Variants in SKAP1 observed in about 807,000 individuals in gnomAD.
The protein encoded by SKAP1 is src kinase-associated phosphoprotein 1.
In SKAP1, 44 loss-of-function variants were observed where a neutral mutation model predicts 58.5. The ratio of observed to expected loss-of-function variants is 0.75; its 90% CI spans 0.59 to 0.97. The LOEUF is 0.97. SKAP1 is among the 50% of genes least tolerant of loss of function. The pLI, the probability that SKAP1 is intolerant of heterozygous loss-of-function variation, is 0.00. For missense variants in SKAP1, 390 were observed against 435.2 expected (o/e 0.90, Z 0.92); for synonymous variants, 127 against 149.7 (o/e 0.85, Z 1.11).
chr17:48,396,887 C>T, intron 1 of SKAP1, 102 bp from the exon 2 acceptor site: 1 of 777,554 alleles, frequency 1.3e-6, no homozygotes. Context: ...TGTAACTAAC[C>T]TGCACAATGT....
At chr17:48,152,044 G>GT (rs1567794751) in intron 11 of SKAP1, among the ~76,000 whole-genome samples, 1 of 152,116 alleles carries the variant, frequency 6.6e-6, no homozygotes, top group Non-Finnish European at 1.5e-5. Flanking sequence ...GGATTTAACT[G>GT]TATCTTTAAC....
intron 4 of SKAP1, among the ~76,000 whole-genome samples, chr17:48,321,729 G>A (rs2066370515): frequency 6.6e-6 from 1 of 151,990 alleles, no homozygotes; most frequent in African/African-American, 2.4e-5. Flanking sequence ...TCTCTCCATT[G>A]AAAGGTCCAC....
At chr17:48,304,835 CAAAAAGAA>C (rs1199983629) in intron 4 of SKAP1, among the ~76,000 whole-genome samples, 1 of 152,102 alleles carries the variant, frequency 6.6e-6, no homozygotes, top group Non-Finnish European at 1.5e-5. Context: ...ATTTCTTTAA[CAAAAAGAA>C]TTCCCTTTAC....
intron 4 of SKAP1, among the ~76,000 whole-genome samples, chr17:48,277,652 A>C (rs2144018882): frequency 6.6e-6 from 1 of 152,354 alleles, no homozygotes; most frequent in East Asian, 1.9e-4. Flanking sequence ...TCACTCAATG[A>C]AAATAAAAAG....
chr17:48,229,004 T>G (rs1368220490), intron 4 of SKAP1, among the ~76,000 whole-genome samples: 1 of 152,058 alleles, frequency 6.6e-6, no homozygotes, highest in Non-Finnish European at 1.5e-5. Flanking sequence ...AGAGGAGACC[T>G]CTCTGCCTCT....
At chr17:48,279,184 T>A (rs1321297979) in intron 4 of SKAP1, among the ~76,000 whole-genome samples, 1 of 151,882 alleles carries the variant, frequency 6.6e-6, no homozygotes, top group Non-Finnish European at 1.5e-5. Flanking sequence ...CCAAAATAGA[T>A]GGCAGCTAAG....
At chr17:48,318,999 A>T (rs1366675126) in intron 4 of SKAP1, among the ~76,000 whole-genome samples, 1 of 152,244 alleles carries the variant, frequency 6.6e-6, no homozygotes, top group Non-Finnish European at 1.5e-5. Context: ...ATGAACCTTT[A>T]AAGAAGTACA....
At chr17:48,416,353 G>A (rs1308064562) in intron 1 of SKAP1, among the ~76,000 whole-genome samples, 3 of 152,166 alleles carry the variant, frequency 2.0e-5, no homozygotes, top group Non-Finnish European at 4.4e-5. Context: ...AGGGTAGAGG[G>A]ATAGAAAAGG....
At chr17:48,383,095 C>T (rs897742623) in intron 2 of SKAP1, among the ~76,000 whole-genome samples, 1 of 152,174 alleles carries the variant, frequency 6.6e-6, no homozygotes, top group African/African-American at 2.4e-5. Flanking sequence ...AAACAAATAG[C>T]CAATACATAT....
chr17:48,333,078 C>T (rs1186954625), intron 4 of SKAP1, among the ~76,000 whole-genome samples: 1 of 152,086 alleles, frequency 6.6e-6, no homozygotes, highest in Admixed American at 6.6e-5. Flanking sequence ...AGACCAGGAC[C>T]TCTGCAATGT....
chr17:48,391,997 A>G (rs1418260242), intron 2 of SKAP1, among the ~76,000 whole-genome samples: 1 of 152,194 alleles, frequency 6.6e-6, no homozygotes, highest in Non-Finnish European at 1.5e-5. Flanking sequence ...AACATTTAAG[A>G]AAAGTAAAAC....
intron 4 of SKAP1, among the ~76,000 whole-genome samples, chr17:48,288,253 A>T (rs975234007): frequency 1.3e-5 from 2 of 152,224 alleles, no homozygotes; most frequent in African/African-American, 4.8e-5. Flanking sequence ...AGTCATCAAT[A>T]ATTTCCCCTT....
intron 4 of SKAP1, among the ~76,000 whole-genome samples, chr17:48,328,206 T>G (rs1379469237): frequency 6.6e-6 from 1 of 152,218 alleles, no homozygotes; most frequent in East Asian, 1.9e-4. Flanking sequence ...CTGTGAGGGT[T>G]AAATGTGGTG....
chr17:48,339,826 CT>C (rs1465763284), intron 4 of SKAP1, among the ~76,000 whole-genome samples: 2 of 152,158 alleles, frequency 1.3e-5, no homozygotes, highest in Non-Finnish European at 2.9e-5. Context: ...GGCCTTACCC[CT>C]GACTCACAAT....
chr17:48,147,965 C>A (rs2063852121), intron 11 of SKAP1, among the ~76,000 whole-genome samples: 1 of 105,476 alleles, frequency 9.5e-6, no homozygotes, highest in Admixed American at 1.3e-4. Flanking sequence ...TCAGCAACAG[C>A]AGTTGGGAGG....
intron 3 of SKAP1, 34 bp from the exon 4 acceptor site, chr17:48,346,040 T>A (rs181758088): frequency 7.7e-7 from 1 of 1,299,630 alleles, no homozygotes; most frequent in Non-Finnish European, 1.1e-6. Context: ...ATAAGGTTAA[T>A]CTTTGGGCAT....
intron 1 of SKAP1, among the ~76,000 whole-genome samples, chr17:48,424,123 A>G (rs1175892058): frequency 6.6e-6 from 1 of 152,004 alleles, no homozygotes; most frequent in East Asian, 1.9e-4. Context: ...TCAACGGCAG[A>G]TTCAGTCTCT....
chr17:48,440,642 A>G, the SKAP1 span, among the ~76,000 whole-genome samples: 294 of 152,314 alleles, frequency 1.9e-3, 2 homozygotes, highest in African/African-American at 6.8e-3. Context: ...AAGGGCTTCC[A>G]AAGTCCGCAA....
chr17:48,147,778 A>G (rs558540254), intron 11 of SKAP1, among the ~76,000 whole-genome samples: 2 of 152,264 alleles, frequency 1.3e-5, no homozygotes, highest in East Asian at 3.9e-4. Context: ...CTCTTTTTCC[A>G]TTATTCAGAG....
Sources: gnomAD v4.1 joint callset for allele counts (sites outside exome capture counted in the v4.1 genomes callset) on GRCh38, gnomAD v4.1.1 for gene constraint, MANE v1.5 for transcripts, NCBI Gene and HGNC (gene_info 2026-07-23, HGNC 2026-07-21) for gene names.